Variants in GLIS1 observed in about 807,000 individuals in gnomAD.
GLIS1 encodes zinc finger protein GLIS1.
A neutral mutation model predicts 63.8 loss-of-function variants in GLIS1; 24 were observed. The ratio of observed to expected loss-of-function variants is 0.38; its 90% CI spans 0.27 to 0.53. GLIS1 has a LOEUF of 0.53. Among genes scored for constraint, GLIS1 ranks in the 20% least tolerant of loss-of-function variants. The pLI is 0.85. For synonymous variants in GLIS1, 450 were observed against 482.5 expected (o/e 0.93, Z 0.88); for missense variants, 1,036 against 1,074.1 (o/e 0.96, Z 0.50).
chr1:53,718,785 C>T (rs914962100), intron 2 of GLIS1, among the ~76,000 whole-genome samples: 1 of 152,192 alleles, frequency 6.6e-6, no homozygotes, highest in Non-Finnish European at 1.5e-5. Flanking sequence ...CCCCGAGACA[C>T]TTTTTAGTCC....
chr1:53,642,034 G>A (rs771905603), intron 2 of GLIS1, among the ~76,000 whole-genome samples: 3 of 152,222 alleles, frequency 2.0e-5, no homozygotes, highest in Non-Finnish European at 4.4e-5. Context: ...GCCAAGTGTG[G>A]GGCCTGGAGG....
chr1:53,524,431 C>T (rs192127402), intron 6 of GLIS1, among the ~76,000 whole-genome samples: 2 of 152,248 alleles, frequency 1.3e-5, no homozygotes, highest in African/African-American at 4.8e-5. Context: ...AAAGCGGGGA[C>T]GTGCTTTTTC....
chr1:53,552,190 G>GTC (rs1644767011), intron 4 of GLIS1, among the ~76,000 whole-genome samples: 1 of 152,064 alleles, frequency 6.6e-6, no homozygotes, highest in South Asian at 2.1e-4. Context: ...AAAGATGCAA[G>GTC]TCCCCTAGCC....
rs772356924 is a variant in GLIS1 at position 53,524,891 on chromosome 1, T to G, written c.1483-4A>C. ...GGATCTGACAGGCGTACGGCTTCTG[T>G]AACATGGGGGGCACGGGTGGGGTGA... is the stretch of plus-strand genomic sequence containing the variant. On this transcript the variant is annotated splice_polypyrimidine_tract_variant and splice_region_variant and intron_variant, in intron 5 of 10. Coordinates refer to ENST00000628545, the MANE Select transcript of GLIS1 (RefSeq NM_001367484.1). The G allele has an allele frequency of 3.2e-6, 5 of 1,573,904 alleles. No individual in the cohort carries two copies. Among genetic ancestry groups the G allele is most frequent in the Non-Finnish European group, 4.4e-6 (5 of 1,145,972 alleles).
intron 2 of GLIS1, chr1:53,688,674 G>A (rs981481550): frequency 2.6e-5 from 4 of 152,244 alleles, no homozygotes; most frequent in Non-Finnish European, 4.4e-5. Flanking sequence ...GCCCCCATAC[G>A]GTGTCATGTA....
intron 2 of GLIS1, among the ~76,000 whole-genome samples, chr1:53,608,754 G>A (rs1450309601): frequency 1.3e-5 from 2 of 152,192 alleles, no homozygotes; most frequent in Admixed American, 1.3e-4. Context: ...TCCCACCCCA[G>A]GGTGGGCTGT....
At chr1:53,644,882 C>T (rs567913379) in intron 2 of GLIS1, among the ~76,000 whole-genome samples, 34 of 152,162 alleles carry the variant, frequency 2.2e-4, no homozygotes, top group Non-Finnish European at 4.0e-4. Flanking sequence ...AAAAGGATCA[C>T]GCAGGCTGCT....
chr1:53,652,290 C>T (rs539527983), intron 2 of GLIS1, among the ~76,000 whole-genome samples: 3 of 152,222 alleles, frequency 2.0e-5, no homozygotes, highest in Non-Finnish European at 2.9e-5. Context: ...ATGAGTTGGC[C>T]GCGGCTCTCA....
intron 2 of GLIS1, among the ~76,000 whole-genome samples, chr1:53,683,400 G>T (rs1001002603): frequency 2.6e-5 from 4 of 152,162 alleles, no homozygotes; most frequent in Admixed American, 2.6e-4. Context: ...CATGAGCAGA[G>T]ACTATGATGT....
intron 2 of GLIS1, among the ~76,000 whole-genome samples, chr1:53,721,291 T>C (rs2100550185): frequency 6.6e-6 from 1 of 152,266 alleles, no homozygotes; most frequent in Middle Eastern, 3.4e-3. Context: ...TGCGTAACCC[T>C]GGACTAGTTC....
intron 4 of GLIS1, among the ~76,000 whole-genome samples, chr1:53,592,882 G>GAT (rs1645206560): frequency 2.6e-5 from 4 of 152,248 alleles, no homozygotes; most frequent in African/African-American, 9.6e-5. Context: ...CCTGTCCGAC[G>GAT]CCCAGCTCCC....
chr1:53,633,314 T>TG (rs534820452), intron 2 of GLIS1, among the ~76,000 whole-genome samples: 65 of 97,484 alleles, frequency 6.7e-4, no homozygotes, highest in Non-Finnish European at 8.0e-4. Flanking sequence ...TGAGTGTGAC[T>TG]GGGGGGCGTG....
intron 2 of GLIS1, among the ~76,000 whole-genome samples, chr1:53,736,930 G>A (rs7532104): frequency 1.3e-5 from 2 of 151,908 alleles, no homozygotes; most frequent in East Asian, 1.9e-4. Flanking sequence ...AGAACCAAGA[G>A]GTTCCAAATG....
intron 2 of GLIS1, among the ~76,000 whole-genome samples, chr1:53,635,683 TA>T (rs1645716100): frequency 1.3e-5 from 2 of 152,090 alleles, no homozygotes; most frequent in African/African-American, 4.8e-5. Flanking sequence ...AAAAGATGAA[TA>T]AAATCAGCTC....
intron 2 of GLIS1, among the ~76,000 whole-genome samples, chr1:53,663,247 T>G (rs1472354319): frequency 6.6e-6 from 1 of 152,194 alleles, no homozygotes; most frequent in South Asian, 2.1e-4. Context: ...TGGATCTTCT[T>G]GTTCTTTTCT....
At chr1:53,602,429 C>G (rs778540828) in intron 2 of GLIS1, among the ~76,000 whole-genome samples, 1 of 152,132 alleles carries the variant, frequency 6.6e-6, no homozygotes, top group Non-Finnish European at 1.5e-5. Context: ...TCACACGGAG[C>G]AGTTTCACCA....
At chr1:53,671,516 G>A (rs574514220) in intron 2 of GLIS1, among the ~76,000 whole-genome samples, 1 of 152,348 alleles carries the variant, frequency 6.6e-6, no homozygotes, top group African/African-American at 2.4e-5. Flanking sequence ...GGCCCCCAGT[G>A]CCTGAGGCCT....
chr1:53,550,797 G>A (rs753941731), intron 4 of GLIS1, among the ~76,000 whole-genome samples: 1 of 152,112 alleles, frequency 6.6e-6, no homozygotes, highest in Non-Finnish European at 1.5e-5. Flanking sequence ...CATCCAAGAC[G>A]AGGGGTGACA....
intron 2 of GLIS1, among the ~76,000 whole-genome samples, chr1:53,641,620 A>G (rs1645788051): frequency 6.6e-6 from 1 of 152,106 alleles, no homozygotes; most frequent in Non-Finnish European, 1.5e-5. Flanking sequence ...TGTCACACAG[A>G]GATTGGGGGC....
Sources: allele counts gnomAD v4.1 joint callset (sites outside exome capture counted in the v4.1 genomes callset), GRCh38; gene constraint gnomAD v4.1.1; transcripts MANE v1.5; gene names NCBI Gene and HGNC (gene_info 2026-07-23, HGNC 2026-07-21).